PTPRD: variants seen among roughly 807,000 people sequenced by gnomAD.
The protein encoded by PTPRD is protein tyrosine phosphatase receptor type D, also known as receptor-type tyrosine-protein phosphatase delta.
In PTPRD, 34 loss-of-function variants were observed where a neutral mutation model predicts 214.5. The ratio of observed to expected loss-of-function variants is 0.16; its 90% CI spans 0.12 to 0.21. PTPRD has a LOEUF of 0.21. Among genes scored for constraint, PTPRD ranks in the 10% least tolerant of loss-of-function variants. PTPRD has a pLI of 1.00. For synonymous variants in PTPRD, 1,128 were observed against 845.7 expected (o/e 1.33, Z -5.79); for missense variants, 2,545 against 2,398.7 (o/e 1.06, Z -1.27).
intron 6 of PTPRD, among the ~76,000 whole-genome samples, chr9:9,738,003 A>G (rs1024160736): frequency 6.6e-6 from 1 of 152,036 alleles, no homozygotes; most frequent in Non-Finnish European, 1.5e-5. Flanking sequence ...CTATTTTATT[A>G]AAAAAATCAA....
intron 39 of PTPRD, among the ~76,000 whole-genome samples, chr9:8,364,934 G>T (rs2079433569): frequency 6.6e-6 from 1 of 151,986 alleles, no homozygotes; most frequent in South Asian, 2.1e-4. Flanking sequence ...CAATATACAG[G>T]TGCTTTCTGG....
chr9:9,602,199 CTA>C (rs1308484325), intron 7 of PTPRD, among the ~76,000 whole-genome samples: 1 of 151,880 alleles, frequency 6.6e-6, no homozygotes, highest in African/African-American at 2.4e-5. Flanking sequence ...TTGAAGAAAA[CTA>C]TGTTATCATT....
intron 11 of PTPRD, among the ~76,000 whole-genome samples, chr9:8,951,846 C>A (rs1471197640): frequency 6.6e-6 from 1 of 152,042 alleles, no homozygotes; most frequent in Admixed American, 6.6e-5. Context: ...TCCATTCACA[C>A]AGCAGTGAAA....
intron 27 of PTPRD, among the ~76,000 whole-genome samples, chr9:8,488,813 G>A (rs769868729): frequency 6.6e-6 from 1 of 152,126 alleles, no homozygotes; most frequent in Admixed American, 6.6e-5. Context: ...AAAATCCATG[G>A]TGAAATAGAG....
intron 7 of PTPRD, among the ~76,000 whole-genome samples, chr9:9,681,163 C>A (rs914080667): frequency 6.6e-6 from 1 of 151,710 alleles, no homozygotes; most frequent in African/African-American, 2.4e-5. Flanking sequence ...ATCTGGGATA[C>A]CTTCTTATAA....
At chr9:10,052,943 A>C (rs1420062623) in intron 3 of PTPRD, among the ~76,000 whole-genome samples, 1 of 152,128 alleles carries the variant, frequency 6.6e-6, no homozygotes, top group African/African-American at 2.4e-5. Flanking sequence ...TATTTTTTAT[A>C]TTATATTTCA....
chr9:8,450,900 T>C (rs958138014), intron 33 of PTPRD, among the ~76,000 whole-genome samples: 2 of 152,170 alleles, frequency 1.3e-5, no homozygotes, highest in African/African-American at 4.8e-5. Context: ...AATCCTAGTA[T>C]CTCACCCCTG....
At position 9,745,020 on chromosome 9, in the gene PTPRD, A is replaced by G. The variant is rs16930186; in HGVS notation, c.-325-10449T>C. On this transcript the variant is annotated intron_variant, in intron 6 of 45. Coordinates refer to ENST00000381196, the MANE Select transcript of PTPRD (RefSeq NM_002839.4). ...GCTAATTCAAATCCATGTAGAGCAA[A>G]TAAGTGATTTCGATTGAAACATTTT... Among the ~76,000 whole-genome samples, 1,374 of 152,240 alleles carry G rather than the reference A, an allele frequency of 9.0e-3. 24 individuals carry two copies. The highest frequency in any genetic ancestry group is 0.032 in the African/African-American group (1,323 of 41,564).
intron 3 of PTPRD, among the ~76,000 whole-genome samples, chr9:10,154,141 T>C (rs1165011364): frequency 6.6e-6 from 1 of 152,138 alleles, no homozygotes; most frequent in Non-Finnish European, 1.5e-5. Context: ...TCTGTAATTT[T>C]TTGACTTTTT....
chr9:10,310,829 G>T (rs559070228), intron 3 of PTPRD, among the ~76,000 whole-genome samples: 2 of 152,040 alleles, frequency 1.3e-5, no homozygotes, highest in African/African-American at 2.4e-5. Flanking sequence ...AACGCAAAAG[G>T]CTGCAAAGAT....
chr9:10,020,529 T>C (rs1316674741), intron 4 of PTPRD, among the ~76,000 whole-genome samples: 6 of 112,662 alleles, frequency 5.3e-5, no homozygotes. Flanking sequence ...TCTAGATGGC[T>C]TGACTTCATG....
intron 2 of PTPRD, among the ~76,000 whole-genome samples, chr9:10,477,096 A>G: frequency 6.6e-6 from 1 of 152,142 alleles, no homozygotes; most frequent in East Asian, 1.9e-4. Flanking sequence ...ACTAAAACAC[A>G]AAAAGCAATG....
At position 8,619,713 on chromosome 9, in the gene PTPRD, C is replaced by G. The variant is rs149309839; in HGVS notation, c.352+13604G>C. On this transcript the variant is annotated intron_variant, in intron 14 of 45. Transcript: ENST00000381196. ...ACTCAAGGACGATGACTAAATAAATCTCCATTACACAACCAACTCAGCAGC... is the reference window on the plus strand; with the variant it reads ...ACTCAAGGACGATGACTAAATAAATGTCCATTACACAACCAACTCAGCAGC... 2.0e-3 allele frequency among the ~76,000 whole-genome samples: 305 copies of G among 151,908 alleles called. 1 individual carries two copies. Among genetic ancestry groups the G allele is most frequent in the African/African-American group, 7.1e-3 (294 of 41,474 alleles).
intron 35 of PTPRD, among the ~76,000 whole-genome samples, chr9:8,422,147 CAAAAAAAA>C (rs768623202): frequency 6.5e-4 from 22 of 33,984 alleles, no homozygotes; most frequent in Middle Eastern, 0.042. Context: ...ACCCTGTCTC[CAAAAAAAA>C]AAAAAAAAAA....
At chr9:9,933,065 C>G (rs543966519) in intron 5 of PTPRD, among the ~76,000 whole-genome samples, 216 of 152,098 alleles carry the variant, frequency 1.4e-3, no homozygotes, top group African/African-American at 4.0e-3. Context: ...CCTAAAACAG[C>G]TCCTGAAGGA....
chr9:9,943,648 T>TG, intron 4 of PTPRD, among the ~76,000 whole-genome samples: 1 of 92,886 alleles, frequency 1.1e-5, no homozygotes, highest in Non-Finnish European at 1.8e-5. Flanking sequence ...TAGTTTAAAA[T>TG]AAAAGTGTAG....
rs959965351 is a variant in PTPRD at position 8,552,434 on chromosome 9, A to G, written c.353-23655T>C. ...TTGGTATCCACTTTTCTCCCAGAGC[A>G]CTGTATAAAGAAGCCTCAGTGAGGT... On this transcript the variant is annotated intron_variant, in intron 14 of 45. Transcript: ENST00000381196. 2.0e-5 allele frequency among the ~76,000 whole-genome samples: 3 copies of G among 152,146 alleles called. No individual in the cohort carries two copies. In the South Asian group the frequency reaches 6.2e-4, roughly 32 times the overall value.
intron 30 of PTPRD, among the ~76,000 whole-genome samples, chr9:8,472,469 C>T (rs2096672528): frequency 6.6e-6 from 1 of 152,170 alleles, no homozygotes; most frequent in African/African-American, 2.4e-5. Context: ...AGTAAACTCT[C>T]TGTGATTAAG....
intron 31 of PTPRD, among the ~76,000 whole-genome samples, chr9:8,466,499 T>C (rs564651331): frequency 5.2e-4 from 79 of 152,046 alleles, no homozygotes; most frequent in Middle Eastern, 3.4e-3. Context: ...TTATTTTTCA[T>C]TGACTCCTTC....
Sources: allele counts gnomAD v4.1 joint callset (sites outside exome capture counted in the v4.1 genomes callset), GRCh38; gene constraint gnomAD v4.1.1; transcripts MANE v1.5; gene names NCBI Gene and HGNC (gene_info 2026-07-23, HGNC 2026-07-21).